The following NXPE4 variants were observed in gnomAD, a reference collection of about 807,000 sequenced individuals.
NXPE4 encodes NXPE family member 4.
A neutral mutation model predicts 33.3 loss-of-function variants in NXPE4; 42 were observed. The observed-to-expected ratio is 1.26, with a 90% confidence interval of 0.98 to 1.63. The LOEUF is 1.63. Among genes scored for constraint, NXPE4 ranks in the 40% most tolerant of loss-of-function variants. NXPE4 has a pLI of 0.00. For missense variants in NXPE4, 709 were observed against 647.6 expected, an observed-to-expected ratio of 1.09 and a Z score of -1.03; for synonymous variants, 253 against 234.9, an observed-to-expected ratio of 1.08 and a Z score of -0.71.
intron 2 of NXPE4, among the ~76,000 whole-genome samples, chr11:114,590,865 G>A (rs1398219191): frequency 6.6e-6 from 1 of 152,136 alleles, no homozygotes; most frequent in Non-Finnish European, 1.5e-5. Flanking sequence ...TGTCTTTTAT[G>A]GGGAACCTTT....
At chr11:114,654,078 G>A in the NXPE4 span, among the ~76,000 whole-genome samples, 1 of 152,124 alleles carries the variant, frequency 6.6e-6, no homozygotes, top group Non-Finnish European at 1.5e-5. Flanking sequence ...AGTGGTGAAG[G>A]TATGTACAAA....
the NXPE4 span, among the ~76,000 whole-genome samples, chr11:114,638,754 C>G: frequency 6.6e-6 from 1 of 152,008 alleles, no homozygotes; most frequent in Non-Finnish European, 1.5e-5. Flanking sequence ...GCCTGGGTAA[C>G]AGCAGCAGTG....
chr11:114,614,685 C>A, the NXPE4 span, among the ~76,000 whole-genome samples: 1 of 151,922 alleles, frequency 6.6e-6, no homozygotes, highest in Non-Finnish European at 1.5e-5. Context: ...AGTGTTGCCT[C>A]GTGGGTAACC....
At chr11:114,639,934 A>T in the NXPE4 span, among the ~76,000 whole-genome samples, 1 of 114,900 alleles carries the variant, frequency 8.7e-6, no homozygotes, top group African/African-American at 3.5e-5. Context: ...TATATATTAT[A>T]TTAAATATAA....
chr11:114,625,386 C>A, the NXPE4 span, among the ~76,000 whole-genome samples: 2 of 151,640 alleles, frequency 1.3e-5, no homozygotes, highest in Non-Finnish European at 1.5e-5. Flanking sequence ...CACTGTTACC[C>A]AGTGGATAAT....
chr11:114,655,477 A>C, the NXPE4 span, among the ~76,000 whole-genome samples: 1 of 152,140 alleles, frequency 6.6e-6, no homozygotes, highest in Admixed American at 6.6e-5. Context: ...TTAAGTCTTT[A>C]ATCCATCTTG....
the NXPE4 span, among the ~76,000 whole-genome samples, chr11:114,609,614 G>A: frequency 6.9e-6 from 1 of 144,788 alleles, no homozygotes; most frequent in African/African-American, 2.6e-5. Context: ...TCGTGGGTAG[G>A]CATGCTTACC....
chr11:114,658,023 G>A, the NXPE4 span, among the ~76,000 whole-genome samples: 1 of 152,162 alleles, frequency 6.6e-6, no homozygotes, highest in Non-Finnish European at 1.5e-5. Flanking sequence ...CCTGGTCTAA[G>A]GACCTTGTCT....
the NXPE4 span, among the ~76,000 whole-genome samples, chr11:114,669,910 T>G: frequency 6.6e-6 from 1 of 151,990 alleles, no homozygotes; most frequent in African/African-American, 2.4e-5. Flanking sequence ...ATCCTGAAGG[T>G]CTGATTGCAA....
the NXPE4 span, among the ~76,000 whole-genome samples, chr11:114,661,487 T>C: frequency 6.6e-6 from 1 of 152,204 alleles, no homozygotes; most frequent in Non-Finnish European, 1.5e-5. Flanking sequence ...CTGTTTTGTC[T>C]GCATTGTCAT....
Position 114,592,514 on chromosome 11 carries a change from AACAC to A in NXPE4, c.96+2146_96+2149del, listed in dbSNP as rs144805587. Among the ~76,000 whole-genome samples the A allele has an allele frequency of 8.6e-5, 13 of 151,080 alleles. No individual in the cohort carries two copies. In the South Asian group the frequency reaches 2.5e-3, roughly 29 times the overall value. Reference sequence around the variant, plus strand: ...AAAACATTGATGCAAGAAATTGGAGAACACACACACACACACTCACACACACACA... The same window carrying A: ...AAAACATTGATGCAAGAAATTGGAGAACACACACACACTCACACACACACA... On this transcript the variant is annotated intron_variant, in intron 2 of 5. Coordinates refer to ENST00000375478, the MANE Select transcript of NXPE4 (RefSeq NM_001077639.2).
chr11:114,636,919 C>A, the NXPE4 span, among the ~76,000 whole-genome samples: 1 of 152,068 alleles, frequency 6.6e-6, no homozygotes, highest in African/African-American at 2.4e-5. Flanking sequence ...TGGTGTGTTG[C>A]TGAAAAAAAT....
At chr11:114,639,852 A>ATGT in the NXPE4 span, among the ~76,000 whole-genome samples, 1 of 97,192 alleles carries the variant, frequency 1.0e-5, no homozygotes, top group Non-Finnish European at 1.8e-5. Context: ...ATAAAATATA[A>ATGT]TATATATTAT....
At chr11:114,634,949 C>T in the NXPE4 span, among the ~76,000 whole-genome samples, 4 of 151,690 alleles carry the variant, frequency 2.6e-5, no homozygotes, top group African/African-American at 9.7e-5. Context: ...TGATGAGGGC[C>T]CTTTTTTGGT....
the NXPE4 span, among the ~76,000 whole-genome samples, chr11:114,657,049 G>C: frequency 0.098 from 14,969 of 152,176 alleles, 928 homozygotes; most frequent in African/African-American, 0.17. Context: ...AGCTGAGATT[G>C]CGCCACTGCA....
the NXPE4 span, among the ~76,000 whole-genome samples, chr11:114,604,095 C>G: frequency 6.6e-6 from 1 of 151,984 alleles, no homozygotes; most frequent in South Asian, 2.1e-4. Flanking sequence ...TAGGTAACTA[C>G]TGTTATCTGC....
chr11:114,611,234 C>T, the NXPE4 span, among the ~76,000 whole-genome samples: 1 of 151,640 alleles, frequency 6.6e-6, no homozygotes, highest in Non-Finnish European at 1.5e-5. Flanking sequence ...CACTGTTATC[C>T]AGTCAATAAT....
the NXPE4 span, among the ~76,000 whole-genome samples, chr11:114,660,331 C>T: frequency 6.6e-6 from 1 of 151,988 alleles, no homozygotes; most frequent in South Asian, 2.1e-4. Context: ...AATTTCAAAA[C>T]TAGAATTAAC....
At chr11:114,638,487 A>C in the NXPE4 span, among the ~76,000 whole-genome samples, 1 of 151,788 alleles carries the variant, frequency 6.6e-6, no homozygotes, top group African/African-American at 2.4e-5. Context: ...TCTCCGTCCA[A>C]CTTTGTTCCA....
Sources: allele counts gnomAD v4.1 joint callset (sites outside exome capture counted in the v4.1 genomes callset), GRCh38; gene constraint gnomAD v4.1.1; transcripts MANE v1.5; gene names NCBI Gene and HGNC (gene_info 2026-07-23, HGNC 2026-07-21).